RFC3: variants seen among roughly 807,000 people sequenced by gnomAD.
RFC3 encodes replication factor C subunit 3.
In RFC3, 41 loss-of-function variants were observed where a neutral mutation model predicts 45.1. The observed-to-expected ratio is 0.91, with a 90% CI of 0.71 to 1.18. RFC3 has a LOEUF of 1.18. Among genes scored for constraint, RFC3 ranks in the 50% most tolerant of loss-of-function variants. The pLI, the probability that RFC3 is intolerant of heterozygous loss-of-function variation, is 0.00. For missense variants in RFC3, 423 were observed against 428.1 expected (o/e 0.99, Z 0.10); for synonymous variants, 149 against 144.0 (o/e 1.03, Z -0.25).
intron 8 of RFC3, among the ~76,000 whole-genome samples, chr13:33,894,080 CTG>C (rs2082581027): frequency 1.3e-5 from 2 of 152,196 alleles, no homozygotes; most frequent in Non-Finnish European, 2.9e-5. Flanking sequence ...GAAATTCACA[CTG>C]TGAACTTTTT....
At chr13:33,887,116 G>A (rs1295290753) in intron 8 of RFC3, among the ~76,000 whole-genome samples, 1 of 145,294 alleles carries the variant, frequency 6.9e-6, no homozygotes, top group Non-Finnish European at 1.5e-5. Context: ...TGTCTTTATA[G>A]CAGCATGATT....
intron 8 of RFC3, among the ~76,000 whole-genome samples, chr13:33,918,688 G>T (rs2082748536): frequency 6.6e-6 from 1 of 152,082 alleles, no homozygotes; most frequent in South Asian, 2.1e-4. Context: ...CAACAGTGGA[G>T]GGCATTGCGA....
intron 8 of RFC3, among the ~76,000 whole-genome samples, chr13:33,851,396 A>G (rs549539036): frequency 6.6e-6 from 1 of 152,306 alleles, no homozygotes; most frequent in South Asian, 2.1e-4. Flanking sequence ...CTTACCAACA[A>G]CAGAAATACT....
chr13:33,936,696 C>T (rs528569396), intron 8 of RFC3, among the ~76,000 whole-genome samples: 3 of 152,222 alleles, frequency 2.0e-5, no homozygotes, highest in South Asian at 4.1e-4. Flanking sequence ...CAGATTTCCC[C>T]TCAAAGTCCT....
At chr13:33,878,237 A>C (rs939820730) in intron 8 of RFC3, among the ~76,000 whole-genome samples, 14 of 152,362 alleles carry the variant, frequency 9.2e-5, no homozygotes, top group African/African-American at 3.4e-4. Flanking sequence ...GATAACAAGC[A>C]TACAAAAATA....
intron 8 of RFC3, among the ~76,000 whole-genome samples, chr13:33,895,856 A>G (rs749611558): frequency 2.6e-5 from 4 of 152,190 alleles, no homozygotes; most frequent in Non-Finnish European, 5.9e-5. Context: ...TGTCTTTTGC[A>G]GCAACTTGGA....
At chr13:33,830,950 G>A in intron 6 of RFC3, 95 bp downstream of exon 6, 2 of 952,186 alleles carry the variant, frequency 2.1e-6, no homozygotes, top group Non-Finnish European at 1.6e-6. Flanking sequence ...TCCATGGACT[G>A]GGCAGGGGTG....
intron 8 of RFC3, among the ~76,000 whole-genome samples, chr13:33,956,020 A>T (rs1164889086): frequency 1.3e-5 from 2 of 152,254 alleles, no homozygotes; most frequent in African/African-American, 2.4e-5. Flanking sequence ...AAAGTTTAAC[A>T]ACTGTATCAT....
chr13:33,892,284 G>T (rs1391964252), intron 8 of RFC3, among the ~76,000 whole-genome samples: 1 of 152,104 alleles, frequency 6.6e-6, no homozygotes, highest in Non-Finnish European at 1.5e-5. Flanking sequence ...ATCCAAGAGA[G>T]AACATCAAAG....
At chr13:33,876,499 C>T (rs1442371340) in intron 8 of RFC3, among the ~76,000 whole-genome samples, 1 of 152,034 alleles carries the variant, frequency 6.6e-6, no homozygotes, top group Non-Finnish European at 1.5e-5. Flanking sequence ...TATCTTAATC[C>T]ATTTTAGGTA....
intron 8 of RFC3, among the ~76,000 whole-genome samples, chr13:33,896,711 C>CAAAAAAAAA (rs56129519): frequency 7.1e-5 from 3 of 42,102 alleles, no homozygotes; most frequent in Non-Finnish European, 9.9e-5. Flanking sequence ...GACTTTGTCT[C>CAAAAAAAAA]AAAAAAAAAA....
intron 8 of RFC3, among the ~76,000 whole-genome samples, chr13:33,949,784 A>G (rs2082977410): frequency 6.6e-6 from 1 of 152,208 alleles, no homozygotes; most frequent in Admixed American, 6.5e-5. Context: ...AATGGGGTTG[A>G]GCCTCATCCA....
chr13:33,973,987 A>C, the RFC3 span, among the ~76,000 whole-genome samples: 1 of 152,044 alleles, frequency 6.6e-6, no homozygotes, highest in African/African-American at 2.4e-5. Flanking sequence ...GGAAACCAAG[A>C]TCTGTATTTT....
At chr13:33,839,219 A>C (rs2082179645), downstream of RFC3, among the ~76,000 whole-genome samples, 1 of 152,118 alleles carries the variant, frequency 6.6e-6, no homozygotes, top group African/African-American at 2.4e-5. Flanking sequence ...TGGTTCTTCC[A>C]CTTCTAGGAT....
chr13:33,904,369 A>G (rs1035775395), intron 8 of RFC3, among the ~76,000 whole-genome samples: 1 of 151,864 alleles, frequency 6.6e-6, no homozygotes, highest in African/African-American at 2.4e-5. Flanking sequence ...TTTTCTTATG[A>G]GCATCTTTCT....
intron 8 of RFC3, chr13:33,847,475 T>G (rs1035541548): frequency 1.3e-5 from 2 of 152,122 alleles, no homozygotes; most frequent in Non-Finnish European, 2.9e-5. Context: ...AGCAGTTGCT[T>G]TTTATAAGTT....
At chr13:33,935,606 T>C (rs1200150237) in intron 8 of RFC3, among the ~76,000 whole-genome samples, 1 of 152,174 alleles carries the variant, frequency 6.6e-6, no homozygotes, top group Non-Finnish European at 1.5e-5. Context: ...TTGTGGAAGG[T>C]TGTAAGATGA....
At chr13:33,873,641 A>C (rs188193346) in intron 8 of RFC3, among the ~76,000 whole-genome samples, 2 of 152,186 alleles carry the variant, frequency 1.3e-5, no homozygotes, top group Admixed American at 6.5e-5. Context: ...TGGTGCCTTG[A>C]ATCTTGGGTC....
chr13:33,860,017 C>A (rs1405909155), intron 8 of RFC3, among the ~76,000 whole-genome samples: 2 of 151,988 alleles, frequency 1.3e-5, no homozygotes, highest in Non-Finnish European at 2.9e-5. Context: ...GAAGAGACAC[C>A]AGGGGCATGC....
Sources: allele counts gnomAD v4.1 joint callset (sites outside exome capture counted in the v4.1 genomes callset), GRCh38; gene constraint gnomAD v4.1.1; transcripts MANE v1.5; gene names NCBI Gene and HGNC (gene_info 2026-07-23, HGNC 2026-07-21).